Variants in GNAL observed in about 807,000 individuals in gnomAD.
The protein encoded by GNAL is guanine nucleotide-binding protein G(olf) subunit alpha.
GNAL carries 18 observed loss-of-function variants against 55.1 expected under a neutral mutation model. That is an observed-to-expected ratio of 0.33 (90% confidence interval 0.23 to 0.48). GNAL has a LOEUF of 0.48. GNAL is among the 20% of genes least tolerant of loss of function. The probability of loss-of-function intolerance (pLI) is 0.99; values close to 1 mark genes in which losing one functional copy is unlikely to be tolerated. For synonymous variants in GNAL, 253 were observed against 237.0 expected, an observed-to-expected ratio of 1.07 and a Z score of -0.62; for missense variants, 412 against 614.1, an observed-to-expected ratio of 0.67 and a Z score of 3.48.
intron 1 of GNAL, among the ~76,000 whole-genome samples, chr18:11,750,633 TG>T (rs1189957732): frequency 6.6e-6 from 1 of 151,966 alleles, no homozygotes; most frequent in Non-Finnish European, 1.5e-5. Flanking sequence ...ACTTGGCCCC[TG>T]GGGGGCCCTA....
rs1442092094 is a variant in GNAL at position 11,752,284 on chromosome 18, G to C, written c.377-569G>C. 1.4e-6 allele frequency: 2 copies of C among 1,430,156 alleles called. No individual in the cohort carries two copies. The highest frequency in any genetic ancestry group is 3.0e-5 in the African/African-American group (2 of 67,622). The allele number at this position is 1,430,156 out of a possible 1,614,324, so 88.6% of individuals were successfully genotyped here. On this transcript the variant is annotated intron_variant, in intron 1 of 11. Coordinates refer to ENST00000334049, the MANE Select transcript of GNAL (RefSeq NM_182978.4). The surrounding 1 kb of genome is among the most constrained non-coding windows in gnomAD (Gnocchi z 4.5). ...GCAGGGGGAGGGAGAAGAAACGCCT[G>C]CTCTGAATCGGAAAACACCGAAGAG...
intron 4 of GNAL, among the ~76,000 whole-genome samples, chr18:11,815,063 G>C (rs1249271535): frequency 6.6e-6 from 1 of 152,162 alleles, no homozygotes; most frequent in Non-Finnish European, 1.5e-5. Flanking sequence ...TTACACAGTA[G>C]AGTGACTATA....
chr18:11,694,010 G>A (rs1443035249), intron 1 of GNAL, among the ~76,000 whole-genome samples: 1 of 151,812 alleles, frequency 6.6e-6, no homozygotes, highest in African/African-American at 2.4e-5. Context: ...ATGCTACCAT[G>A]GCTGACTAAC....
chr18:11,847,353 T>C (rs983603973), intron 5 of GNAL, among the ~76,000 whole-genome samples: 1 of 151,768 alleles, frequency 6.6e-6, no homozygotes, highest in African/African-American at 2.4e-5. Context: ...AATCCAGAAA[T>C]AGTTTAACTC....
At chr18:11,690,384 A>G (rs2031204900) in intron 1 of GNAL, among the ~76,000 whole-genome samples, 1 of 152,126 alleles carries the variant, frequency 6.6e-6, no homozygotes, top group South Asian at 2.1e-4. Context: ...CTTGACCGCA[A>G]AGCTTTTATT....
intron 4 of GNAL, among the ~76,000 whole-genome samples, chr18:11,769,016 TATATTATA>T: frequency 3.8e-5 from 4 of 104,012 alleles, no homozygotes; most frequent in Non-Finnish European, 3.5e-5. Flanking sequence ...ATATATATTC[TATATTATA>T]ATATATTATA....
chr18:11,860,286 A>G (rs2143827915), intron 5 of GNAL, among the ~76,000 whole-genome samples: 1 of 152,318 alleles, frequency 6.6e-6, no homozygotes, highest in South Asian at 2.1e-4. Context: ...TCATGGGTGA[A>G]GGCTGCCAAA....
At chr18:11,791,780 C>A (rs1339885740) in intron 4 of GNAL, among the ~76,000 whole-genome samples, 1 of 152,176 alleles carries the variant, frequency 6.6e-6, no homozygotes, top group Non-Finnish European at 1.5e-5. Flanking sequence ...CGAAGTAGGA[C>A]ACAAAGGACT....
chr18:11,811,905 G>A (rs1382449556), intron 4 of GNAL, among the ~76,000 whole-genome samples: 1 of 152,192 alleles, frequency 6.6e-6, no homozygotes, highest in Non-Finnish European at 1.5e-5. Context: ...TTGTCTGGAA[G>A]CAAAGACTAA....
At position 11,884,958 on chromosome 18, in the gene GNAL, G is replaced by T. The variant is rs1010817343; in HGVS notation, c.*3823G>T. On this transcript the variant is annotated 3_prime_UTR_variant, in exon 12 of 12. Transcript: ENST00000334049. Reference sequence around the variant, plus strand: ...CATAACAGAGATTCAGAGAGGCACCGTGGAGTTCCAGGGTCATCGGTCAGC... The same window carrying T: ...CATAACAGAGATTCAGAGAGGCACCTTGGAGTTCCAGGGTCATCGGTCAGC... 2.7e-5 allele frequency: 35 copies of T among 1,292,850 alleles called. No individual in the cohort carries two copies. In the African/African-American group the frequency reaches 5.3e-4, roughly 20 times the overall value. The allele number at this position is 1,292,850 out of a possible 1,614,324, so 80.1% of individuals were successfully genotyped here.
chr18:11,781,425 TCTC>T (rs1386836182), intron 4 of GNAL, among the ~76,000 whole-genome samples: 1 of 152,130 alleles, frequency 6.6e-6, no homozygotes, highest in Non-Finnish European at 1.5e-5. Flanking sequence ...TGATAGCATT[TCTC>T]CTCCCATACA....
intron 1 of GNAL, among the ~76,000 whole-genome samples, chr18:11,727,553 C>T (rs554662588): frequency 2.0e-4 from 31 of 152,294 alleles, no homozygotes; most frequent in African/African-American, 6.7e-4. Flanking sequence ...GGACCCCAAA[C>T]GGAAATGATA....
chr18:11,805,347 T>C (rs1189843096), intron 4 of GNAL, among the ~76,000 whole-genome samples: 1 of 152,126 alleles, frequency 6.6e-6, no homozygotes, highest in African/African-American at 2.4e-5. Flanking sequence ...ACGTGCAATT[T>C]GGATGGAACA....
chr18:11,827,855 C>T (rs1314353497), intron 5 of GNAL, among the ~76,000 whole-genome samples: 1 of 151,992 alleles, frequency 6.6e-6, no homozygotes, highest in East Asian at 1.9e-4. Flanking sequence ...CCTGTAGTCC[C>T]AGCTACTCTG....
chr18:11,861,842 C>T (rs1172067809), intron 5 of GNAL, among the ~76,000 whole-genome samples: 1 of 152,152 alleles, frequency 6.6e-6, no homozygotes, highest in East Asian at 1.9e-4. Flanking sequence ...CTCACGTTCT[C>T]GCTCTCGCAC....
At chr18:11,823,992 A>G (rs1348122340) in intron 4 of GNAL, among the ~76,000 whole-genome samples, 1 of 152,210 alleles carries the variant, frequency 6.6e-6, no homozygotes, top group Non-Finnish European at 1.5e-5. Context: ...GGTGAAGTTG[A>G]GCACAGTGAC....
intron 4 of GNAL, among the ~76,000 whole-genome samples, chr18:11,761,157 G>A (rs1598435501): frequency 6.6e-6 from 1 of 152,094 alleles, no homozygotes; most frequent in East Asian, 1.9e-4. Flanking sequence ...CTCCCCTCTG[G>A]ATCCACGGGG....
chr18:11,744,848 C>CT (rs746020458), intron 1 of GNAL, among the ~76,000 whole-genome samples: 1 of 152,206 alleles, frequency 6.6e-6, no homozygotes, highest in Non-Finnish European at 1.5e-5. Context: ...GTAGCTGGGA[C>CT]TACAGGTGCA....
At chr18:11,746,742 G>A in intron 1 of GNAL, 1 of 297,912 alleles carries the variant, frequency 3.4e-6, no homozygotes, top group Non-Finnish European at 6.7e-6. Flanking sequence ...TGAAGCAGCT[G>A]AAAGAGACGC....
Sources: gnomAD v4.1 joint callset for allele counts (sites outside exome capture counted in the v4.1 genomes callset) on GRCh38, gnomAD v4.1.1 for gene constraint, Gnocchi (gnomAD v3.1) non-coding constraint, MANE v1.5 for transcripts, NCBI Gene and HGNC (gene_info 2026-07-23, HGNC 2026-07-21) for gene names.